NKAIN3: variants seen among roughly 807,000 people sequenced by gnomAD.
NKAIN3 encodes sodium/potassium-transporting ATPase subunit beta-1-interacting protein 3.
Under a neutral mutation model 30.2 loss-of-function variants are expected in NKAIN3, and 25 were observed. The ratio of observed to expected loss-of-function variants is 0.83; its 90% confidence interval spans 0.60 to 1.16. The LOEUF is 1.16. Among genes scored for constraint, NKAIN3 ranks in the 50% most tolerant of loss-of-function variants. The pLI is 0.00. For missense variants in NKAIN3, 225 were observed against 254.1 expected, an observed-to-expected ratio of 0.89 and a Z score of 0.78; for synonymous variants, 91 against 89.6, an observed-to-expected ratio of 1.02 and a Z score of -0.09.
In NKAIN3 at chr8:62,844,103, C is replaced by A. The variant is rs150090010; in HGVS notation, c.472-74350C>A. Among the ~76,000 whole-genome samples, 7 of 152,242 alleles carry A rather than the reference C, an allele frequency of 4.6e-5. No individual in the cohort carries two copies. The East Asian group carries it at 1.2e-3, about 25-fold the overall frequency. ...ATTAATACTGTAGTAACAGTAGTTG[C>A]CAATGCAAAAGCTAAACCAAGAACT... On this transcript the variant is annotated intron_variant, in intron 4 of 6. Transcript: ENST00000623646.
intron 4 of NKAIN3, chr8:62,863,898 A>T: frequency 7.4e-7 from 1 of 1,346,378 alleles, no homozygotes; most frequent in Non-Finnish European, 1.1e-6. Flanking sequence ...TCATCATCTG[A>T]TCCAGGATCT....
In NKAIN3 at chr8:62,367,379, A is replaced by G. The variant is rs144185617; in HGVS notation, c.54+118252A>G. 6.4e-3 allele frequency among the ~76,000 whole-genome samples: 970 copies of G among 152,286 alleles called. 7 individuals carry two copies. Among genetic ancestry groups the G allele is most frequent in the African/African-American group, 0.022 (931 of 41,562 alleles). On this transcript the variant is annotated intron_variant, in intron 1 of 6. Coordinates refer to ENST00000623646, the MANE Select transcript of NKAIN3 (RefSeq NM_001304533.3). ...TAAAAACACCATACATCATAATCAA[A>G]TGTGATTTATTTTGGGGCTGCAAGG...
At chr8:62,378,792 G>A (rs1817178227) in intron 1 of NKAIN3, among the ~76,000 whole-genome samples, 1 of 152,160 alleles carries the variant, frequency 6.6e-6, no homozygotes, top group Non-Finnish European at 1.5e-5. Flanking sequence ...GAGCCCTCAT[G>A]GAGAACCTCT....
chr8:62,785,798 C>A (rs1817498235), intron 4 of NKAIN3, among the ~76,000 whole-genome samples: 1 of 151,924 alleles, frequency 6.6e-6, no homozygotes, highest in South Asian at 2.1e-4. Flanking sequence ...TTTTCTTTTT[C>A]AGTTTAAAAT....
chr8:62,334,572 G>T (rs1815471462), intron 1 of NKAIN3, among the ~76,000 whole-genome samples: 4 of 152,114 alleles, frequency 2.6e-5, no homozygotes, highest in African/African-American at 9.7e-5. Context: ...GGCTTTGGAA[G>T]TTAGTGATAT....
chr8:62,403,630 A>T (rs1803959956), intron 1 of NKAIN3, among the ~76,000 whole-genome samples: 1 of 152,224 alleles, frequency 6.6e-6, no homozygotes, highest in Admixed American at 6.5e-5. Flanking sequence ...ACAGAAGACA[A>T]GAATTGAGGT....
intron 4 of NKAIN3, among the ~76,000 whole-genome samples, chr8:62,847,141 T>C (rs1330216140): frequency 6.6e-6 from 1 of 152,162 alleles, no homozygotes; most frequent in Non-Finnish European, 1.5e-5. Flanking sequence ...GGTGCTGCAA[T>C]GAACACACAC....
intron 5 of NKAIN3, among the ~76,000 whole-genome samples, chr8:62,953,150 CA>C (rs1476025834): frequency 1.3e-5 from 2 of 152,122 alleles, no homozygotes; most frequent in Admixed American, 1.3e-4. Flanking sequence ...CACACACACA[CA>C]CACTCCTGAG....
At chr8:62,448,232 G>T (rs575167399) in intron 1 of NKAIN3, among the ~76,000 whole-genome samples, 8 of 151,602 alleles carry the variant, frequency 5.3e-5, no homozygotes, top group African/African-American at 1.9e-4. Flanking sequence ...TAGTGTTTCC[G>T]CAGAGGAACA....
chr8:62,627,660 C>T (rs374811636), intron 3 of NKAIN3, among the ~76,000 whole-genome samples: 56 of 152,222 alleles, frequency 3.7e-4, no homozygotes, highest in African/African-American at 1.2e-3. Flanking sequence ...TTACCTTTCA[C>T]AACCGTTTTC....
chr8:62,535,447 C>T (rs1026418385), intron 1 of NKAIN3, among the ~76,000 whole-genome samples: 2 of 152,076 alleles, frequency 1.3e-5, no homozygotes, highest in Non-Finnish European at 2.9e-5. Flanking sequence ...TAAGACTGCC[C>T]TGCCTTCCAC....
chr8:62,334,182 C>T (rs1185635768), intron 1 of NKAIN3, among the ~76,000 whole-genome samples: 1 of 152,118 alleles, frequency 6.6e-6, no homozygotes, highest in Non-Finnish European at 1.5e-5. Flanking sequence ...TTATTAGTTA[C>T]TCATGGCTGC....
intron 3 of NKAIN3, among the ~76,000 whole-genome samples, chr8:62,664,018 A>T (rs1813024124): frequency 6.6e-6 from 1 of 152,108 alleles, no homozygotes; most frequent in South Asian, 2.1e-4. Flanking sequence ...TTCATCATAT[A>T]TCTGGGCCCT....
chr8:62,826,498 T>G (rs1207027733), intron 4 of NKAIN3, among the ~76,000 whole-genome samples: 1 of 152,136 alleles, frequency 6.6e-6, no homozygotes, highest in Non-Finnish European at 1.5e-5. Flanking sequence ...GGAGCAAGAG[T>G]CTCTTTTCTC....
intron 1 of NKAIN3, among the ~76,000 whole-genome samples, chr8:62,324,794 G>A (rs1052019815): frequency 2.0e-5 from 3 of 152,054 alleles, no homozygotes; most frequent in East Asian, 1.9e-4. Context: ...TATCCTACCC[G>A]TGAGAATGAA....
At chr8:62,820,085 C>A (rs2130729459) in intron 4 of NKAIN3, among the ~76,000 whole-genome samples, 1 of 152,150 alleles carries the variant, frequency 6.6e-6, no homozygotes, top group African/African-American at 2.4e-5. Flanking sequence ...AGTTAGGAAC[C>A]ACATGACTAA....
At position 62,975,783 on chromosome 8, in the gene NKAIN3, G is replaced by A. The variant is rs1024050872; in HGVS notation, c.*10376G>A. ...GATTGTAGATGTTTAGATTTTAGAT[G>A]TTTAGATGTTTCCCACTTTCTCCTG... On this transcript the variant is annotated 3_prime_UTR_variant, in exon 7 of 7. Transcript: ENST00000623646. 1.3e-5 allele frequency among the ~76,000 whole-genome samples: 2 copies of A among 151,454 alleles called. No homozygotes were observed. Among genetic ancestry groups the A allele is most frequent in the South Asian group, 2.1e-4 (1 of 4,812 alleles).
chr8:62,916,391 A>G (rs970246122), intron 4 of NKAIN3, among the ~76,000 whole-genome samples: 6 of 152,328 alleles, frequency 3.9e-5, no homozygotes, highest in African/African-American at 1.4e-4. Context: ...CAAGAGAGAA[A>G]GATTGGAGAG....
Position 62,781,386 on chromosome 8 carries a change from A to G in NKAIN3, c.471+34257A>G, listed in dbSNP as rs144007603. Among the ~76,000 whole-genome samples, 577 of 151,346 alleles carry G rather than the reference A, an allele frequency of 3.8e-3. 6 individuals are homozygous for G. Among genetic ancestry groups the G allele is most frequent in the African/African-American group, 0.013 (548 of 41,212 alleles). On this transcript the variant is annotated intron_variant, in intron 4 of 6. Coordinates refer to ENST00000623646, the MANE Select transcript of NKAIN3 (RefSeq NM_001304533.3). ...TACAGATTCGATGCAATCTTTATCA[A>G]ATTGACAATTTCATTTTTCACAAGA...
Sources: allele counts gnomAD v4.1 joint callset (sites outside exome capture counted in the v4.1 genomes callset), GRCh38; gene constraint gnomAD v4.1.1; transcripts MANE v1.5; gene names NCBI Gene and HGNC (gene_info 2026-07-23, HGNC 2026-07-21).